EGFR: variants seen among roughly 807,000 people sequenced by gnomAD.
EGFR encodes avian erythroblastic leukemia viral (v-erb-b) oncogene homolog.
EGFR carries 58 observed loss-of-function variants against 143.0 expected under a neutral mutation model. The observed-to-expected ratio is 0.41, with a 90% CI of 0.33 to 0.50. The LOEUF is 0.50. Among genes scored for constraint, EGFR ranks in the 20% least tolerant of loss-of-function variants. EGFR has a pLI of 0.39. For synonymous variants in EGFR, 613 were observed against 594.4 expected (o/e 1.03, Z -0.45); for missense variants, 1,307 against 1,579.0 (o/e 0.83, Z 2.92).
chr7:55,143,694 G>T (rs933644045), intron 3 of EGFR, among the ~76,000 whole-genome samples: 1 of 152,164 alleles, frequency 6.6e-6, no homozygotes, highest in Non-Finnish European at 1.5e-5. Context: ...GATTTAAGCG[G>T]GGTACCAGTG....
chr7:55,127,958 T>C (rs1231001794), intron 1 of EGFR, among the ~76,000 whole-genome samples: 1 of 152,206 alleles, frequency 6.6e-6, no homozygotes, highest in Non-Finnish European at 1.5e-5. Context: ...CTTATCTCCG[T>C]CAACATGTTC....
Position 55,191,724 on chromosome 7 carries a change from G to T in EGFR, c.2475G>T (p.Met825Ile), listed in dbSNP as rs1474170437. 3.1e-6 allele frequency: 5 copies of T among 1,613,738 alleles called. No individual in the cohort carries two copies. The highest frequency in any genetic ancestry group is 1.1e-5 in the South Asian group (1 of 91,052). ...CAGGGTCTTCTCTGTTTCAGGGCATGAACTACTTGGAGGACCGTCGCTTGG... is the reference window on the plus strand; with the variant it reads ...CAGGGTCTTCTCTGTTTCAGGGCATTAACTACTTGGAGGACCGTCGCTTGG... ...LNWCVQIAKG[M>I]NYLEDRRLVH... Residue 825 changes from methionine to isoleucine, a missense_variant, in exon 21 of 28, where the codon ATG (methionine) becomes ATT (isoleucine). Physicochemically the swap from Met to Ile is conservative, Grantham distance 10 (BLOSUM62 1). This residue lies in a region of EGFR where 348 missense variants were observed against 451.5 expected (regional missense o/e 0.77). Coordinates refer to ENST00000275493, the MANE Select transcript of EGFR (RefSeq NM_005228.5).
At chr7:55,047,199 T>C (rs949506042) in intron 1 of EGFR, among the ~76,000 whole-genome samples, 2 of 152,212 alleles carry the variant, frequency 1.3e-5, no homozygotes, top group Non-Finnish European at 2.9e-5. Context: ...AGGCAAGGTC[T>C]GCAGGTTCCT....
intron 1 of EGFR, among the ~76,000 whole-genome samples, chr7:55,111,369 GTT>G (rs11347888): frequency 1.9e-4 from 27 of 144,882 alleles, no homozygotes; most frequent in African/African-American, 2.5e-4. Context: ...TAGACGTTTT[GTT>G]TTTTTTTTTT....
At chr7:55,201,507 G>A (rs2128972096) in intron 25 of EGFR, 152 bp downstream of exon 25, 2 of 1,278,684 alleles carry the variant, frequency 1.6e-6, no homozygotes, top group Non-Finnish European at 2.2e-6. Context: ...TAAATTAAGT[G>A]TATTAATTAT....
intron 20 of EGFR, chr7:55,188,765 G>C (rs1227294484): frequency 1.3e-5 from 2 of 152,102 alleles, no homozygotes; most frequent in East Asian, 1.9e-4. Flanking sequence ...GCAGTGGGAC[G>C]GAGACCCATG....
chr7:55,046,502 G>A (rs1788182605), intron 1 of EGFR, among the ~76,000 whole-genome samples: 1 of 151,892 alleles, frequency 6.6e-6, no homozygotes, highest in East Asian at 1.9e-4. Flanking sequence ...TCATTATAAA[G>A]GGCAGCATTT....
intron 1 of EGFR, among the ~76,000 whole-genome samples, chr7:55,033,471 G>A (rs1332670193): frequency 6.6e-6 from 1 of 152,170 alleles, no homozygotes; most frequent in African/African-American, 2.4e-5. Context: ...AATGCCTGTG[G>A]GTGTCAGTTT....
rs766216876 is a variant in EGFR, at chr7:55,207,192, A to G, written c.*1575A>G. On this transcript the variant is annotated 3_prime_UTR_variant, in exon 28 of 28. Coordinates refer to ENST00000275493, the MANE Select transcript of EGFR (RefSeq NM_005228.5). Reference sequence around the variant, plus strand: ...CAGAAAATATTTTCAGCCTACAGTTATGTTCAGTCACACACACATACAAAA... The same window carrying G: ...CAGAAAATATTTTCAGCCTACAGTTGTGTTCAGTCACACACACATACAAAA... 3.0e-5 allele frequency: 7 copies of G among 232,870 alleles called. No homozygotes were observed. Among genetic ancestry groups the G allele is most frequent in the Non-Finnish European group, 5.1e-5 (6 of 117,888 alleles). The allele number at this position is 232,870 out of a possible 1,614,324, so 14.4% of individuals were successfully genotyped here.
intron 1 of EGFR, among the ~76,000 whole-genome samples, chr7:55,067,904 G>T (rs574625616): frequency 1.3e-5 from 2 of 151,222 alleles, no homozygotes; most frequent in South Asian, 4.1e-4. Context: ...GTGTGTACGT[G>T]TGTGTTCCTG....
intron 1 of EGFR, among the ~76,000 whole-genome samples, chr7:55,130,501 A>G (rs1793769023): frequency 1.3e-5 from 2 of 152,152 alleles, no homozygotes; most frequent in Admixed American, 6.5e-5. Context: ...AGGGAAAGGG[A>G]AAGCTTCACG....
chr7:55,054,506 G>A (rs1562672949), intron 1 of EGFR, among the ~76,000 whole-genome samples: 1 of 152,200 alleles, frequency 6.6e-6, no homozygotes, highest in Non-Finnish European at 1.5e-5. Flanking sequence ...CTTTTTCCTG[G>A]CGCGCCCGCG....
chr7:55,191,247 T>C (rs1288560127), intron 20 of EGFR, among the ~76,000 whole-genome samples: 1 of 152,154 alleles, frequency 6.6e-6, no homozygotes, highest in Non-Finnish European at 1.5e-5. Context: ...AAAATCTTCA[T>C]AGGCAGTGAA....
At chr7:55,101,099 CCTT>C (rs1328559489) in intron 1 of EGFR, among the ~76,000 whole-genome samples, 1 of 152,212 alleles carries the variant, frequency 6.6e-6, no homozygotes, top group African/African-American at 2.4e-5. Context: ...CAACTCTGCT[CCTT>C]CTGACAACCT....
chr7:55,078,528 G>A (rs565659397), intron 1 of EGFR, among the ~76,000 whole-genome samples: 1 of 152,334 alleles, frequency 6.6e-6, no homozygotes, highest in South Asian at 2.1e-4. Context: ...GGTCCCCCGT[G>A]GGGAACTGCT....
In EGFR at chr7:55,052,571, C is replaced by G. The variant is rs572274599; in HGVS notation, c.88+33206C>G. Among the ~76,000 whole-genome samples, 22 of 152,338 alleles carry G rather than the reference C, an allele frequency of 1.4e-4. No homozygotes were observed. The East Asian group carries it at 3.7e-3, about 25-fold the overall frequency. On this transcript the variant is annotated intron_variant, in intron 1 of 27. Transcript: ENST00000275493. ...TGCTGAAGGCACACTAAGTGCTGCC[C>G]TTCCCAGAAGCCTCAGGAAGCTTGC...
intron 1 of EGFR, among the ~76,000 whole-genome samples, chr7:55,083,444 C>G (rs181879407): frequency 1.3e-5 from 2 of 152,188 alleles, no homozygotes; most frequent in African/African-American, 4.8e-5. Flanking sequence ...CTGTAACAGA[C>G]GCCTGACGTC....
intron 1 of EGFR, among the ~76,000 whole-genome samples, chr7:55,071,044 C>T (rs565986514): frequency 1.3e-5 from 2 of 152,316 alleles, no homozygotes; most frequent in African/African-American, 2.4e-5. Context: ...GGAGGAACAA[C>T]GTGGAGACAG....
intron 1 of EGFR, among the ~76,000 whole-genome samples, chr7:55,028,847 C>CAT (rs1787088080): frequency 1.3e-5 from 2 of 152,118 alleles, no homozygotes. Flanking sequence ...TGATTAAGTC[C>CAT]AAACATATGA....
Sources: allele counts gnomAD v4.1 joint callset (sites outside exome capture counted in the v4.1 genomes callset), GRCh38; gene constraint gnomAD v4.1.1; regional missense constraint gnomAD v4.1.1; transcripts MANE v1.5; gene names NCBI Gene and HGNC (gene_info 2026-07-23, HGNC 2026-07-21).